The following FRMD5 variants were observed in gnomAD, a reference collection of about 807,000 sequenced individuals.
FRMD5 encodes the protein FERM domain-containing protein 5.
A neutral mutation model predicts 69.0 loss-of-function variants in FRMD5; 20 were observed. That is an observed-to-expected ratio of 0.29 (90% CI 0.20 to 0.42). The LOEUF is 0.42. Ranked by LOEUF, FRMD5 falls within the 10% of genes least tolerant of loss-of-function variation. FRMD5 has a pLI of 1.00. For missense variants in FRMD5, 595 were observed against 708.6 expected, an observed-to-expected ratio of 0.84 and a Z score of 1.82; for synonymous variants, 271 against 260.1, an observed-to-expected ratio of 1.04 and a Z score of -0.40.
intron 1 of FRMD5, among the ~76,000 whole-genome samples, chr15:44,044,363 C>CG (rs949788424): frequency 6.6e-6 from 1 of 152,116 alleles, no homozygotes; most frequent in African/African-American, 2.4e-5. Context: ...GACAGTGTGG[C>CG]GACTCCTCTA....
chr15:43,987,960 G>A (rs1889476426), intron 1 of FRMD5, among the ~76,000 whole-genome samples: 1 of 152,080 alleles, frequency 6.6e-6, no homozygotes, highest in South Asian at 2.1e-4. Context: ...CCCATCTGGG[G>A]GTCATGGGAG....
intron 1 of FRMD5, among the ~76,000 whole-genome samples, chr15:44,135,840 A>C (rs1354491365): frequency 6.6e-6 from 1 of 151,590 alleles, no homozygotes; most frequent in South Asian, 2.1e-4. Context: ...AAAAAAAAAA[A>C]AAACTACAAA....
chr15:43,920,163 G>A (rs766586631), intron 2 of FRMD5, among the ~76,000 whole-genome samples: 3 of 152,240 alleles, frequency 2.0e-5, no homozygotes, highest in African/African-American at 4.8e-5. Flanking sequence ...CCTGGGTTGA[G>A]TCGGGAAATA....
intron 1 of FRMD5, among the ~76,000 whole-genome samples, chr15:43,925,059 C>CA (rs1002348322): frequency 1.4e-5 from 2 of 142,264 alleles, no homozygotes; most frequent in African/African-American, 5.4e-5. Context: ...GGCTGGAGTG[C>CA]AATAGCGCAG....
chr15:44,156,333 G>A (rs946349267), intron 1 of FRMD5, among the ~76,000 whole-genome samples: 2 of 151,930 alleles, frequency 1.3e-5, no homozygotes, highest in African/African-American at 2.4e-5. Context: ...TAGTAGAGAC[G>A]GGGTTTCACC....
At chr15:44,006,297 A>G (rs1890444656) in intron 1 of FRMD5, among the ~76,000 whole-genome samples, 1 of 152,204 alleles carries the variant, frequency 6.6e-6, no homozygotes, top group South Asian at 2.1e-4. Flanking sequence ...TTCATTGTTG[A>G]GACCTGCTGC....
intron 1 of FRMD5, among the ~76,000 whole-genome samples, chr15:43,974,830 T>G (rs1022393137): frequency 3.9e-5 from 6 of 152,144 alleles, no homozygotes; most frequent in Admixed American, 2.0e-4. Context: ...GAAACAAAAA[T>G]TTTTCAAGAA....
At chr15:44,059,655 C>A (rs1893010026) in intron 1 of FRMD5, among the ~76,000 whole-genome samples, 2 of 151,890 alleles carry the variant, frequency 1.3e-5, no homozygotes, top group Admixed American at 6.6e-5. Context: ...GGGACTACAG[C>A]CGCACACCAC....
At chr15:44,128,880 G>A (rs188339127) in intron 1 of FRMD5, among the ~76,000 whole-genome samples, 13 of 152,196 alleles carry the variant, frequency 8.5e-5, no homozygotes, top group African/African-American at 1.2e-4. Flanking sequence ...GATGTGGTAC[G>A]AAGTCCCTAA....
At chr15:43,984,340 C>G (rs1169813918) in intron 1 of FRMD5, among the ~76,000 whole-genome samples, 3 of 152,194 alleles carry the variant, frequency 2.0e-5, no homozygotes, top group Non-Finnish European at 2.9e-5. Context: ...CCTCTATACA[C>G]TGCCTCCGGA....
At position 44,020,500 on chromosome 15, in the gene FRMD5, A is replaced by T. The variant is rs78753064; in HGVS notation, c.103-96191T>A. ...TCAGTAGTGTGTTTGTAAATTTTTA[A>T]AAACTAGCTCCTCAAATGTGGGTCA... is the stretch of plus-strand genomic sequence containing the variant. On this transcript the variant is annotated intron_variant, in intron 1 of 13. Coordinates refer to ENST00000417257, the MANE Select transcript of FRMD5 (RefSeq NM_032892.5). 8.4e-4 allele frequency among the ~76,000 whole-genome samples: 128 copies of T among 152,340 alleles called. 1 individual carries two copies. Among genetic ancestry groups the T allele is most frequent in the South Asian group, 1.7e-3 (8 of 4,822 alleles).
chr15:44,092,676 G>GT (rs2076489741), intron 1 of FRMD5, among the ~76,000 whole-genome samples: 1 of 151,986 alleles, frequency 6.6e-6, no homozygotes, highest in Non-Finnish European at 1.5e-5. Flanking sequence ...AGTGAAATGG[G>GT]TTTTGCTCAT....
In FRMD5 at chr15:44,154,567, G is replaced by C. The variant is rs550016107; in HGVS notation, c.102+40386C>G. 2.0e-5 allele frequency among the ~76,000 whole-genome samples: 3 copies of C among 152,306 alleles called. No homozygotes were observed. The East Asian group carries it at 5.8e-4, about 29-fold the overall frequency. Reference sequence around the variant, plus strand: ...GCATACTTAGAAGATGCTTAGAGTGGAAACTGCTTGGTAGATACTTTTAAT... The same window carrying C: ...GCATACTTAGAAGATGCTTAGAGTGCAAACTGCTTGGTAGATACTTTTAAT... On this transcript the variant is annotated intron_variant, in intron 1 of 13. Coordinates refer to ENST00000417257, the MANE Select transcript of FRMD5 (RefSeq NM_032892.5).
intron 1 of FRMD5, among the ~76,000 whole-genome samples, chr15:44,054,026 C>T (rs895011248): frequency 6.6e-6 from 1 of 152,146 alleles, no homozygotes; most frequent in Admixed American, 6.5e-5. Context: ...AAGCACCCAA[C>T]CTTTAAAGCA....
At chr15:44,015,406 T>G (rs1410695567) in intron 1 of FRMD5, among the ~76,000 whole-genome samples, 1 of 152,152 alleles carries the variant, frequency 6.6e-6, no homozygotes, top group African/African-American at 2.4e-5. Flanking sequence ...CCTCCCAAAG[T>G]GCTGGAATTA....
chr15:44,092,085 TA>T (rs2076481638), intron 1 of FRMD5, among the ~76,000 whole-genome samples: 1 of 152,200 alleles, frequency 6.6e-6, no homozygotes. Context: ...TTTTCTCTCA[TA>T]AAACAGTAAC....
intron 1 of FRMD5, among the ~76,000 whole-genome samples, chr15:44,155,051 T>C (rs1205952517): frequency 6.6e-6 from 1 of 152,236 alleles, no homozygotes; most frequent in African/African-American, 2.4e-5. Flanking sequence ...CAAAGTGAGA[T>C]ACCATCATAC....
chr15:44,029,195 G>C (rs1241428049), intron 1 of FRMD5, among the ~76,000 whole-genome samples: 1 of 152,186 alleles, frequency 6.6e-6, no homozygotes, highest in Non-Finnish European at 1.5e-5. Flanking sequence ...AGCCAAAAAA[G>C]TCCCCACTTC....
At chr15:44,127,645 G>C (rs1312608613) in intron 1 of FRMD5, among the ~76,000 whole-genome samples, 1 of 152,130 alleles carries the variant, frequency 6.6e-6, no homozygotes, top group Non-Finnish European at 1.5e-5. Context: ...AAACTGAAGC[G>C]AGAGGATCAC....
Sources: allele counts gnomAD v4.1 joint callset (sites outside exome capture counted in the v4.1 genomes callset), GRCh38; gene constraint gnomAD v4.1.1; transcripts MANE v1.5; gene names NCBI Gene and HGNC (gene_info 2026-07-23, HGNC 2026-07-21).